The following SIL1 variants were observed in gnomAD, a reference collection of about 807,000 sequenced individuals.
The protein encoded by SIL1 is SIL1 nucleotide exchange factor.
SIL1 carries 40 observed loss-of-function variants against 49.1 expected under a neutral mutation model. That is an observed-to-expected ratio of 0.81 (90% CI 0.63 to 1.06). The LOEUF is 1.06. Among genes scored for constraint, SIL1 ranks in the 50% least tolerant of loss-of-function variants. SIL1 has a pLI of 0.00. For missense variants in SIL1, 500 were observed against 572.6 expected, an observed-to-expected ratio of 0.87 and a Z score of 1.29; for synonymous variants, 253 against 250.8, an observed-to-expected ratio of 1.01 and a Z score of -0.08.
rs371005800 is a variant in SIL1, at chr5:139,121,061, G to A, written c.218C>T (p.Thr73Met). ...DAEVLEVFHP[T>M]HEWQALQPGQ... ...TGGCTGAAGGGCCTGCCACTCATGC[G>A]TCGGGTGGAACACCTCCAGGACTTC... Residue 73 changes from threonine (T) to methionine (M), a missense_variant, in exon 3 of 10, where the codon ACG (threonine) becomes ATG (methionine). Thr to Met is a moderately conservative substitution (Grantham distance 81, BLOSUM62 -1). Coordinates refer to ENST00000394817, the MANE Select transcript of SIL1 (RefSeq NM_022464.5). 2.9e-5 allele frequency: 46 copies of A among 1,614,012 alleles called. No homozygotes were observed. The highest frequency in any genetic ancestry group is 1.7e-4 in the Middle Eastern group (1 of 6,048).
At chr5:139,031,138 T>C (rs1768784245) in intron 5 of SIL1, among the ~76,000 whole-genome samples, 1 of 152,208 alleles carries the variant, frequency 6.6e-6, no homozygotes, top group Non-Finnish European at 1.5e-5. Flanking sequence ...GTCCAATTTA[T>C]CAATTTTTTT....
intron 7 of SIL1, among the ~76,000 whole-genome samples, chr5:138,968,236 ACC>A (rs753813724): frequency 3.3e-5 from 5 of 152,008 alleles, no homozygotes; most frequent in African/African-American, 4.8e-5. Context: ...CAGTGCCTCC[ACC>A]ACAGAAAGCC....
At chr5:139,096,289 G>A (rs1770464991) in intron 3 of SIL1, among the ~76,000 whole-genome samples, 1 of 152,144 alleles carries the variant, frequency 6.6e-6, no homozygotes, top group Non-Finnish European at 1.5e-5. Flanking sequence ...GTTTAAACCT[G>A]AGTTCCCACA....
intron 9 of SIL1, 104 bp downstream of exon 9, chr5:138,951,067 A>G (rs1437832271): frequency 1.5e-6 from 2 of 1,331,086 alleles, no homozygotes; most frequent in Non-Finnish European, 2.1e-6. Context: ...AAGCACACAC[A>G]AAGCAAACAA....
At chr5:139,190,259 A>AT (rs1218502661) in intron 1 of SIL1, among the ~76,000 whole-genome samples, 7 of 152,204 alleles carry the variant, frequency 4.6e-5, no homozygotes, top group Non-Finnish European at 1.0e-4. Context: ...ATCTGGCCTC[A>AT]TTCTTTACAG....
chr5:139,184,498 C>T (rs996375938), intron 1 of SIL1, among the ~76,000 whole-genome samples: 2 of 152,056 alleles, frequency 1.3e-5, no homozygotes, highest in Admixed American at 1.3e-4. Flanking sequence ...CATAGCAAAA[C>T]CCCATCTCTA....
intron 1 of SIL1, among the ~76,000 whole-genome samples, chr5:139,178,966 C>T (rs1751934402): frequency 1.3e-5 from 2 of 152,200 alleles, no homozygotes; most frequent in South Asian, 4.1e-4. Flanking sequence ...CTCCTCCCTA[C>T]ATGACCTTAA....
intron 3 of SIL1, among the ~76,000 whole-genome samples, chr5:139,055,165 C>A (rs4574538): frequency 2.0e-5 from 3 of 151,906 alleles, no homozygotes; most frequent in African/African-American, 7.3e-5. Flanking sequence ...CCTCCAGCTC[C>A]TTCAGAGCTG....
At chr5:138,984,134 G>T (rs947657229) in intron 7 of SIL1, among the ~76,000 whole-genome samples, 2 of 152,152 alleles carry the variant, frequency 1.3e-5, no homozygotes, top group Non-Finnish European at 2.9e-5. Context: ...AGGCTCAAGT[G>T]TCTGGTCTGT....
chr5:138,967,744 A>T (rs1423837754), intron 7 of SIL1, among the ~76,000 whole-genome samples: 1 of 152,238 alleles, frequency 6.6e-6, no homozygotes, highest in Non-Finnish European at 1.5e-5. Flanking sequence ...CCTCAGTCTA[A>T]TGATGGCAGT....
intron 6 of SIL1, among the ~76,000 whole-genome samples, chr5:139,024,738 A>G (rs1316396601): frequency 6.6e-6 from 1 of 152,250 alleles, no homozygotes; most frequent in East Asian, 1.9e-4. Flanking sequence ...TCAACACAGT[A>G]GCTGGAGGAA....
intron 7 of SIL1, among the ~76,000 whole-genome samples, chr5:138,982,663 C>G (rs1201037516): frequency 1.3e-5 from 2 of 152,224 alleles, no homozygotes; most frequent in East Asian, 1.9e-4. Context: ...CTGTACAAGT[C>G]AGTGGGATGC....
intron 3 of SIL1, among the ~76,000 whole-genome samples, chr5:139,063,907 A>C (rs980352315): frequency 6.6e-6 from 1 of 152,236 alleles, no homozygotes; most frequent in Non-Finnish European, 1.5e-5. Context: ...AAAACCACTC[A>C]TTAGTCAAAT....
chr5:139,092,161 T>C (rs543998921), intron 3 of SIL1, among the ~76,000 whole-genome samples: 1 of 152,316 alleles, frequency 6.6e-6, no homozygotes, highest in Non-Finnish European at 1.5e-5. Context: ...AAAAAGCATA[T>C]GATCACTAAG....
At chr5:139,016,753 A>G (rs543533335) in intron 7 of SIL1, 35 of 150,602 alleles carry the variant, frequency 2.3e-4, no homozygotes, top group African/African-American at 8.4e-4. Flanking sequence ...TACTCTTGAA[A>G]AATTTCAGGG....
chr5:139,067,288 T>G (rs1224738217), intron 3 of SIL1, among the ~76,000 whole-genome samples: 3 of 152,162 alleles, frequency 2.0e-5, no homozygotes, highest in African/African-American at 7.2e-5. Flanking sequence ...GACTGAGAAT[T>G]GCAAAGACAG....
chr5:139,152,114 G>A (rs1751311630), intron 1 of SIL1, among the ~76,000 whole-genome samples: 2 of 152,204 alleles, frequency 1.3e-5, no homozygotes, highest in South Asian at 4.1e-4. Flanking sequence ...GAACACCGCA[G>A]GCTCGGCAAT....
intron 7 of SIL1, among the ~76,000 whole-genome samples, chr5:138,988,038 G>T (rs955958928): frequency 1.3e-5 from 2 of 152,162 alleles, no homozygotes; most frequent in African/African-American, 4.8e-5. Flanking sequence ...TCACCATGTT[G>T]GCCAGCCTGG....
At chr5:139,150,176 C>G (rs11242450) in intron 1 of SIL1, among the ~76,000 whole-genome samples, 1 of 151,934 alleles carries the variant, frequency 6.6e-6, no homozygotes, top group Non-Finnish European at 1.5e-5. Context: ...TAAACCCCAG[C>G]GGATAACTTC....
Sources: gnomAD v4.1 joint callset for allele counts (sites outside exome capture counted in the v4.1 genomes callset) on GRCh38, gnomAD v4.1.1 for gene constraint, MANE v1.5 for transcripts, NCBI Gene and HGNC (gene_info 2026-07-23, HGNC 2026-07-21) for gene names.